Variants in GRM1 observed in about 807,000 individuals in gnomAD.
GRM1 encodes glutamate metabotropic receptor 1, also known as metabotropic glutamate receptor 1.
Under a neutral mutation model 90.9 loss-of-function variants are expected in GRM1, and 33 were observed. The ratio of observed to expected loss-of-function variants is 0.36; its 90% CI spans 0.28 to 0.49. The LOEUF (loss-of-function observed/expected upper bound fraction) is 0.49, where lower values mean the gene tolerates loss of function less well. Ranked by LOEUF, GRM1 falls within the 20% of genes least tolerant of loss-of-function variation. The pLI, the probability that GRM1 is intolerant of heterozygous loss-of-function variation, is 0.99. For synonymous variants in GRM1, 700 were observed against 613.2 expected (o/e 1.14, Z -2.09); for missense variants, 1,190 against 1,534.3 (o/e 0.78, Z 3.75).
At chr6:146,320,675 G>A (rs189012054) in intron 3 of GRM1, among the ~76,000 whole-genome samples, 267 of 151,978 alleles carry the variant, frequency 1.8e-3, no homozygotes, top group African/African-American at 6.0e-3. Context: ...AGAAATTCGA[G>A]TTCTTCCTGG....
rs1169401921 is a variant in GRM1, at chr6:146,436,364, G to GA, written c.*1572dup. The stretch of plus-strand genomic sequence containing the variant: ...TTAAAAGTGCACAAAAACTGAGAGT[G>GA]AAAATAAAAGGTACATTTTATAAGC... On this transcript the variant is annotated 3_prime_UTR_variant, in exon 8 of 8. Coordinates refer to ENST00000282753, the MANE Select transcript of GRM1 (RefSeq NM_001278064.2). The GA allele has an allele frequency of 1.3e-5, 2 of 152,052 alleles. No homozygotes were observed. The highest frequency in any genetic ancestry group is 1.3e-4 in the Admixed American group (2 of 15,262). The allele number at this position is 152,052 out of a possible 1,614,324, so 9.4% of individuals were successfully genotyped here. A position where few individuals can be genotyped will look rare whatever the true frequency, so the allele number is the denominator to read the frequency against.
chr6:146,198,278 A>G (rs933600111), intron 2 of GRM1, among the ~76,000 whole-genome samples: 28 of 152,210 alleles, frequency 1.8e-4, no homozygotes, highest in Non-Finnish European at 3.8e-4. Flanking sequence ...GTCTATAGTC[A>G]TTGTCCAGGT....
chr6:146,070,426 TA>T (rs1388902200), intron 1 of GRM1, among the ~76,000 whole-genome samples: 1 of 152,106 alleles, frequency 6.6e-6, no homozygotes, highest in East Asian at 1.9e-4. Context: ...TCCTAGAGGT[TA>T]AGAGATATGA....
At chr6:146,122,228 T>C (rs1485902657) in intron 1 of GRM1, among the ~76,000 whole-genome samples, 1 of 152,210 alleles carries the variant, frequency 6.6e-6, no homozygotes, top group East Asian at 1.9e-4. Context: ...CCTTCTAGGC[T>C]TTTATTTTGG....
chr6:146,251,379 C>G (rs1407220518), intron 2 of GRM1, among the ~76,000 whole-genome samples: 1 of 152,182 alleles, frequency 6.6e-6, no homozygotes, highest in Non-Finnish European at 1.5e-5. Context: ...CCCCAAGGTC[C>G]TTTTATGTTT....
intron 2 of GRM1, among the ~76,000 whole-genome samples, chr6:146,236,612 C>A (rs1001421687): frequency 6.6e-6 from 1 of 151,920 alleles, no homozygotes. Flanking sequence ...TAGGCTGGGC[C>A]CAGTATATAT....
At chr6:146,338,526 C>G (rs1183240186) in intron 3 of GRM1, among the ~76,000 whole-genome samples, 6 of 152,178 alleles carry the variant, frequency 3.9e-5, no homozygotes, top group Non-Finnish European at 8.8e-5. Flanking sequence ...GACTCATGAG[C>G]TTATGTATGT....
chr6:146,270,954 T>TTCC (rs1562571391), intron 2 of GRM1, among the ~76,000 whole-genome samples: 27 of 109,768 alleles, frequency 2.5e-4, no homozygotes, highest in African/African-American at 8.1e-4. Context: ...CCTTCCTTCC[T>TTCC]TTCTTTCTTT....
At chr6:146,260,422 T>C (rs1781646915) in intron 2 of GRM1, among the ~76,000 whole-genome samples, 1 of 152,168 alleles carries the variant, frequency 6.6e-6, no homozygotes, top group Non-Finnish European at 1.5e-5. Context: ...TTGGGTTGGT[T>C]CCAAGTCTTT....
chr6:146,033,472 T>G (rs971247068), intron 1 of GRM1, among the ~76,000 whole-genome samples: 4 of 152,166 alleles, frequency 2.6e-5, no homozygotes, highest in African/African-American at 9.6e-5. Context: ...CCAATAAAAA[T>G]GTTCTTTGAG....
intron 5 of GRM1, among the ~76,000 whole-genome samples, chr6:146,365,654 C>T (rs1057293559): frequency 1.3e-5 from 2 of 152,168 alleles, no homozygotes; most frequent in African/African-American, 2.4e-5. Flanking sequence ...ACTCATCCTA[C>T]CTAGCCTTGC....
At chr6:146,143,825 A>G (rs192867626) in intron 1 of GRM1, among the ~76,000 whole-genome samples, 1 of 152,316 alleles carries the variant, frequency 6.6e-6, no homozygotes, top group Non-Finnish European at 1.5e-5. Flanking sequence ...ATTGCTCTAG[A>G]ATCACCAAAT....
chr6:146,192,508 A>G (rs1778965446), intron 2 of GRM1, among the ~76,000 whole-genome samples: 1 of 152,230 alleles, frequency 6.6e-6, no homozygotes, highest in South Asian at 2.1e-4. Context: ...AATTCCTGGC[A>G]TATAAAATAC....
At chr6:146,306,296 C>A (rs1337321485) in intron 3 of GRM1, among the ~76,000 whole-genome samples, 1 of 152,108 alleles carries the variant, frequency 6.6e-6, no homozygotes, top group Non-Finnish European at 1.5e-5. Flanking sequence ...CAAGAATAAG[C>A]ATTCTAATGA....
intron 2 of GRM1, among the ~76,000 whole-genome samples, chr6:146,202,416 C>A (rs544814713): frequency 6.6e-6 from 1 of 152,220 alleles, no homozygotes; most frequent in African/African-American, 2.4e-5. Flanking sequence ...ATACCTATCT[C>A]ACAGGGTTGC....
intron 1 of GRM1, among the ~76,000 whole-genome samples, chr6:146,103,725 C>A (rs1246113052): frequency 6.6e-6 from 1 of 152,150 alleles, no homozygotes. Flanking sequence ...CAAAGGTTAC[C>A]AAGTAAACAG....
chr6:146,128,787 A>G (rs1776287232), intron 1 of GRM1, among the ~76,000 whole-genome samples: 2 of 152,258 alleles, frequency 1.3e-5, no homozygotes, highest in East Asian at 1.9e-4. Context: ...AACTTCTGAG[A>G]ATCTTTCGTT....
intron 1 of GRM1, among the ~76,000 whole-genome samples, chr6:146,097,698 T>A (rs927304301): frequency 1.3e-5 from 2 of 152,344 alleles, no homozygotes; most frequent in South Asian, 4.1e-4. Context: ...TGAGCATATC[T>A]ACAACTTCTG....
chr6:146,159,030 C>G (rs1777616333), intron 1 of GRM1, among the ~76,000 whole-genome samples: 1 of 152,180 alleles, frequency 6.6e-6, no homozygotes, highest in South Asian at 2.1e-4. Flanking sequence ...CTGATCTCTC[C>G]TACGTGGTTA....
Sources: allele counts gnomAD v4.1 joint callset (sites outside exome capture counted in the v4.1 genomes callset), GRCh38; gene constraint gnomAD v4.1.1; transcripts MANE v1.5; gene names NCBI Gene and HGNC (gene_info 2026-07-23, HGNC 2026-07-21).